RYR1: variants seen among roughly 807,000 people sequenced by gnomAD.
The protein encoded by RYR1 is ryanodine receptor 1.
In RYR1, 342 loss-of-function variants were observed where a neutral mutation model predicts 583.5. The ratio of observed to expected loss-of-function variants is 0.59; its 90% CI spans 0.54 to 0.64. The LOEUF is 0.64. Among genes scored for constraint, RYR1 ranks in the 30% least tolerant of loss-of-function variants. RYR1 has a pLI of 0.00. For missense variants in RYR1, 6,032 were observed against 6,917.2 expected (o/e 0.87, Z 4.54); for synonymous variants, 2,791 against 2,822.5 (o/e 0.99, Z 0.35).
chr19:38,486,370 G>A (rs1280972251), intron 34 of RYR1, among the ~76,000 whole-genome samples, 168 bp downstream of exon 34: 1 of 151,588 alleles, frequency 6.6e-6, no homozygotes, highest in African/African-American at 2.4e-5. Context: ...TTTCGAGACG[G>A]AGTCTCACTG....
intron 101 of RYR1, among the ~76,000 whole-genome samples, chr19:38,580,903 T>A (rs1166829341): frequency 6.6e-6 from 1 of 150,630 alleles, no homozygotes; most frequent in East Asian, 1.9e-4. Context: ...AGGCACATTT[T>A]TTTTTTTTTT....
At chr19:38,536,658 C>T (rs763770581) in intron 82 of RYR1, 92 bp from the exon 83 acceptor site, 5 of 1,438,240 alleles carry the variant, frequency 3.5e-6, no homozygotes, top group Non-Finnish European at 4.9e-6. Flanking sequence ...TGTCTCTGTC[C>T]CTGACTGTCA....
intron 89 of RYR1, among the ~76,000 whole-genome samples, chr19:38,557,685 T>A (rs1414602658): frequency 1.3e-5 from 2 of 152,132 alleles, no homozygotes; most frequent in East Asian, 1.9e-4. Context: ...ATGCCTGAAG[T>A]CCCAGCTACT....
intron 101 of RYR1, among the ~76,000 whole-genome samples, chr19:38,581,245 T>G (rs1974193680): frequency 6.6e-6 from 1 of 151,986 alleles, no homozygotes; most frequent in Non-Finnish European, 1.5e-5. Context: ...GCCTGGCAAA[T>G]TTTTTGTATT....
Position 38,445,758 on chromosome 19 carries a change from G to T in RYR1, c.632-714G>T, listed in dbSNP as rs556779304. Among the ~76,000 whole-genome samples, 4 of 152,294 alleles carry T rather than the reference G, an allele frequency of 2.6e-5. No individual in the cohort carries two copies. In the South Asian group the frequency reaches 8.3e-4, roughly 32 times the overall value. ...AATCCCAGCACTTTGAGGGGCCAAGGCGGGTGGATCACTTGAGATCAGGAG... is the reference window on the plus strand; with the variant it reads ...AATCCCAGCACTTTGAGGGGCCAAGTCGGGTGGATCACTTGAGATCAGGAG... On this transcript the variant is annotated intron_variant, in intron 7 of 105. Transcript: ENST00000359596.
chr19:38,517,821 C>A, intron 66 of RYR1, 130 bp downstream of exon 66: 1 of 868,388 alleles, frequency 1.2e-6, no homozygotes, highest in East Asian at 2.6e-5. Context: ...TTTTCAGCAT[C>A]AAAAGACCAG....
chr19:38,440,454 G>A (rs879876940), intron 1 of RYR1, among the ~76,000 whole-genome samples: 5 of 152,138 alleles, frequency 3.3e-5, no homozygotes, highest in Non-Finnish European at 5.9e-5. Context: ...CAGGAGAATC[G>A]CTTGAACCCA....
At chr19:38,521,459 A>C (rs571996307) in intron 67 of RYR1, among the ~76,000 whole-genome samples, 62 of 151,922 alleles carry the variant, frequency 4.1e-4, no homozygotes, top group Middle Eastern at 3.4e-3. Context: ...GGATCACTCA[A>C]ACTCAGTCTC....
chr19:38,437,510 A>G (rs1437655903), intron 1 of RYR1, among the ~76,000 whole-genome samples: 1 of 152,066 alleles, frequency 6.6e-6, no homozygotes, highest in Admixed American at 6.6e-5. Flanking sequence ...CATCTGGAAA[A>G]TGGGGACAAG....
At chr19:38,504,936 G>A in intron 51 of RYR1, 25 bp downstream of exon 51, 2 of 1,612,640 alleles carry the variant, frequency 1.2e-6, no homozygotes, top group African/African-American at 1.3e-5. Context: ...CTGGGAGACA[G>A]AGAGGAAGAT....
At chr19:38,528,754 C>A in intron 75 of RYR1, 59 bp downstream of exon 75, 1 of 1,563,170 alleles carries the variant, frequency 6.4e-7, no homozygotes. Context: ...GGGGCGGAGG[C>A]CACCCTTGGC....
chr19:38,542,103 G>GTT lies in RYR1; in HGVS notation c.11690-1231_11690-1230dup, dbSNP rs367691103. ...AAAATCCCCCCCAAGGCCGGGGACT[G>GTT]TTTTTTTTTTTTTTACTACTGTATC... is the stretch of plus-strand genomic sequence containing the variant. On this transcript the variant is annotated intron_variant, in intron 84 of 105. Coordinates refer to ENST00000359596, the MANE Select transcript of RYR1 (RefSeq NM_000540.3). Among the ~76,000 whole-genome samples, 26 of 137,940 alleles carry GTT rather than the reference G, an allele frequency of 1.9e-4. 1 individual carries two copies. Among genetic ancestry groups the GTT allele is most frequent in the African/African-American group, 3.5e-4 (13 of 37,522 alleles). 90.5% of individuals were successfully genotyped at this position (137,940 alleles called of 152,430 possible).
At chr19:38,566,805 A>C in intron 91 of RYR1, 106 bp from the exon 92 acceptor site, 2 of 1,540,942 alleles carry the variant, frequency 1.3e-6, no homozygotes, top group Non-Finnish European at 1.8e-6. Flanking sequence ...TGTAAAACTT[A>C]GATTACCCAG....
In RYR1 at chr19:38,460,270, C is replaced by T; in HGVS notation, c.2361-105C>T. 5 of 1,079,594 alleles carry T rather than the reference C, an allele frequency of 4.6e-6. No homozygotes were observed. The East Asian group carries it at 9.5e-5, about 20-fold the overall frequency. The allele number at this position is 1,079,594 out of a possible 1,614,324, so 66.9% of individuals were successfully genotyped here. ...GACTGCCCGGTGACCTTTGGTCTCC[C>T]CAGAACTTTCCATTGATCCCAGGAC... is the stretch of plus-strand genomic sequence containing the variant. On this transcript the variant is annotated intron_variant, in intron 19 of 105. Coordinates refer to ENST00000359596, the MANE Select transcript of RYR1 (RefSeq NM_000540.3).
chr19:38,578,954 C>G (rs370890331), intron 99 of RYR1, among the ~76,000 whole-genome samples: 38 of 151,742 alleles, frequency 2.5e-4, no homozygotes, highest in African/African-American at 9.2e-4. Context: ...AACCCTGTCT[C>G]TACAAACAAT....
At chr19:38,439,099 C>T (rs532335349) in intron 1 of RYR1, among the ~76,000 whole-genome samples, 2 of 152,256 alleles carry the variant, frequency 1.3e-5, no homozygotes, top group South Asian at 4.1e-4. Flanking sequence ...AGATGCTCAA[C>T]CAAAGTCTGT....
At chr19:38,539,213 T>C (rs1029508353) in intron 84 of RYR1, among the ~76,000 whole-genome samples, 3 of 151,984 alleles carry the variant, frequency 2.0e-5, no homozygotes, top group Admixed American at 1.3e-4. Context: ...TTAAATACCT[T>C]TGTGCCATGG....
At chr19:38,534,399 T>A (rs4802582) in intron 78 of RYR1, among the ~76,000 whole-genome samples, 3,455 of 152,294 alleles carry the variant, frequency 0.023, 94 homozygotes, top group Admixed American at 0.073. Flanking sequence ...AGGAAATGCT[T>A]CATTTCTGTT....
chr19:38,556,161 T>A (rs1253270456), intron 89 of RYR1, among the ~76,000 whole-genome samples: 3 of 151,820 alleles, frequency 2.0e-5, no homozygotes, highest in Non-Finnish European at 4.4e-5. Flanking sequence ...ACCATAATTT[T>A]AAATTTTCTA....
Sources: allele counts gnomAD v4.1 joint callset (sites outside exome capture counted in the v4.1 genomes callset), GRCh38; gene constraint gnomAD v4.1.1; transcripts MANE v1.5; gene names NCBI Gene and HGNC (gene_info 2026-07-23, HGNC 2026-07-21).